The following TEX11 variants were observed in gnomAD, a reference collection of about 807,000 sequenced individuals.
TEX11 encodes testis expressed 11.
In TEX11, 7 loss-of-function variants were observed where a neutral mutation model predicts 84.4. The ratio of observed to expected loss-of-function variants is 0.08; its 90% CI spans 0.05 to 0.16. The LOEUF (loss-of-function observed/expected upper bound fraction) is 0.16. Ranked by LOEUF, TEX11 falls within the 10% of genes least tolerant of loss-of-function variation. The pLI, the probability that TEX11 is intolerant of heterozygous loss-of-function variation, is 1.00. For missense variants in TEX11, 551 were observed against 660.5 expected (o/e 0.83, Z 1.82); for synonymous variants, 264 against 222.8 (o/e 1.18, Z -1.64).
chrX:70,712,925 G>A (rs1385220484), intron 13 of TEX11, among the ~76,000 whole-genome samples: 2 of 111,399 alleles, frequency 1.8e-5, no homozygotes, highest in Non-Finnish European at 3.8e-5. Flanking sequence ...TAGGCTGTGG[G>A]TTTGTCATAG....
At chrX:70,794,799 C>T (rs990871974) in intron 9 of TEX11, among the ~76,000 whole-genome samples, 2 of 109,440 alleles carry the variant, frequency 1.8e-5, no homozygotes, top group Non-Finnish European at 3.8e-5. Context: ...AAAGCCAACA[C>T]ATTTTGAACA....
intron 2 of TEX11, among the ~76,000 whole-genome samples, chrX:70,885,172 T>C (rs759836122): frequency 2.1e-4 from 23 of 109,073 alleles, no homozygotes; most frequent in Admixed American, 2.9e-4. Context: ...CCAAGCCTAA[T>C]TGGGGGGGCC....
At chrX:70,898,481 G>A (rs1367234788) in intron 2 of TEX11, among the ~76,000 whole-genome samples, 1 of 112,289 alleles carries the variant, frequency 8.9e-6, no homozygotes, top group Non-Finnish European at 1.9e-5. Context: ...AGCATAAGCA[G>A]TTATGTATGG....
chrX:70,796,086 G>GA (rs1049648957), intron 9 of TEX11, among the ~76,000 whole-genome samples: 2 of 111,209 alleles, frequency 1.8e-5, no homozygotes, highest in African/African-American at 3.3e-5. Flanking sequence ...CCCTTTTGAG[G>GA]AAACAAAAAA....
At chrX:70,603,283 CACTACCTG>C (rs1302280454) in intron 24 of TEX11, among the ~76,000 whole-genome samples, 1 of 89,242 alleles carries the variant, frequency 1.1e-5, no homozygotes, top group Non-Finnish European at 2.2e-5. Flanking sequence ...GGAGGCATCA[CACTACCTG>C]ACTTCAAACT....
At chrX:70,873,650 G>T (rs2091640688) in intron 3 of TEX11, among the ~76,000 whole-genome samples, 1 of 111,727 alleles carries the variant, frequency 9.0e-6, no homozygotes, top group African/African-American at 3.2e-5. Context: ...AGTCTACGTT[G>T]TTCTTTCTTC....
chrX:70,580,894 T>C (rs1160696137), intron 25 of TEX11, among the ~76,000 whole-genome samples: 1 of 112,683 alleles, frequency 8.9e-6, no homozygotes, highest in Non-Finnish European at 1.9e-5. Flanking sequence ...AACACTGGTT[T>C]GATATTAAAT....
chrX:70,859,594 A>T (rs2091557964), intron 5 of TEX11, among the ~76,000 whole-genome samples: 1 of 107,375 alleles, frequency 9.3e-6, no homozygotes, highest in Non-Finnish European at 1.9e-5. Flanking sequence ...AAAAAAAAAA[A>T]AAAAAAAGAG....
intron 8 of TEX11, among the ~76,000 whole-genome samples, chrX:70,816,205 C>T (rs771085606): frequency 1.8e-5 from 2 of 111,793 alleles, no homozygotes; most frequent in East Asian, 2.8e-4. Context: ...TGAGTTACTT[C>T]GCTTAGAATA....
At position 70,529,051 on chromosome X, in the gene TEX11, G is replaced by A; in HGVS notation, c.*44C>T. 9.5e-7 allele frequency: 1 copy of A among 1,052,599 alleles called. No individual in the cohort carries two copies. The highest frequency in any genetic ancestry group is 3.0e-5 in the East Asian group (1 of 33,040). The allele number at this position is 1,052,599 out of a possible 1,213,427, so 86.7% of individuals were successfully genotyped here. On this transcript the variant is annotated 3_prime_UTR_variant, in exon 30 of 30. Transcript: ENST00000374333. The stretch of plus-strand genomic sequence containing the variant: ...ACTCTGGCAAAAATTTAAACAGTCA[G>A]CATCTCGGGACAATGTATCTTCTTC...
intron 20 of TEX11, among the ~76,000 whole-genome samples, chrX:70,619,480 GA>G (rs2089357021): frequency 9.0e-6 from 1 of 111,265 alleles, no homozygotes; most frequent in Non-Finnish European, 1.9e-5. Context: ...TTCAAATGTG[GA>G]AAAGTTTGGT....
At chrX:70,610,924 A>G (rs2089253555) in intron 20 of TEX11, among the ~76,000 whole-genome samples, 1 of 112,412 alleles carries the variant, frequency 8.9e-6, no homozygotes, top group Admixed American at 9.4e-5. Flanking sequence ...CTAATATACA[A>G]GAAAAGATAA....
chrX:70,743,055 T>TC (rs113029653), intron 10 of TEX11, among the ~76,000 whole-genome samples: 2,104 of 111,722 alleles, frequency 0.019, 49 homozygotes, highest in African/African-American at 0.065. Flanking sequence ...TTCTCCCCTC[T>TC]CCCTACCCCC....
intron 16 of TEX11, among the ~76,000 whole-genome samples, 192 bp downstream of exon 16, chrX:70,670,185 C>T (rs2090010223): frequency 8.9e-6 from 1 of 111,995 alleles, no homozygotes; most frequent in African/African-American, 3.2e-5. Context: ...TCCAAATTCT[C>T]TCTTTCTTTG....
intron 9 of TEX11, among the ~76,000 whole-genome samples, chrX:70,789,711 A>C (rs1234843347): frequency 8.9e-6 from 1 of 112,240 alleles, no homozygotes; most frequent in African/African-American, 3.2e-5. Context: ...TAGTACAAAC[A>C]TTATGGAAAA....
intron 20 of TEX11, among the ~76,000 whole-genome samples, chrX:70,614,395 G>A (rs1336289010): frequency 9.0e-6 from 1 of 111,184 alleles, no homozygotes; most frequent in Non-Finnish European, 1.9e-5. Flanking sequence ...GAACATCAGC[G>A]GTAGGCTGGC....
intron 13 of TEX11, among the ~76,000 whole-genome samples, chrX:70,696,437 T>C (rs2090280852): frequency 8.9e-6 from 1 of 111,789 alleles, no homozygotes; most frequent in African/African-American, 3.3e-5. Flanking sequence ...ATTAGTTTTC[T>C]ATTGCTGTTG....
intron 2 of TEX11, among the ~76,000 whole-genome samples, chrX:70,885,851 A>G (rs2147876720): frequency 9.7e-6 from 1 of 103,039 alleles, no homozygotes; most frequent in African/African-American, 3.6e-5. Flanking sequence ...AGATCGAGCC[A>G]CTACACTCCA....
chrX:70,834,191 T>TA (rs34937826), intron 7 of TEX11, among the ~76,000 whole-genome samples: 39,859 of 99,266 alleles, frequency 0.4, 7,266 homozygotes, highest in East Asian at 0.54. Context: ...CCCCATCTCT[T>TA]AAAAAAAAAA....
Sources: gnomAD v4.1 joint callset for allele counts (sites outside exome capture counted in the v4.1 genomes callset) on GRCh38, gnomAD v4.1.1 for gene constraint, MANE v1.5 for transcripts, NCBI Gene and HGNC (gene_info 2026-07-23, HGNC 2026-07-21) for gene names.